Variants in DOK5 observed in about 807,000 individuals in gnomAD.
DOK5 encodes docking protein 5.
A neutral mutation model predicts 43.3 loss-of-function variants in DOK5; 27 were observed. That is an observed-to-expected ratio of 0.62 (90% CI 0.46 to 0.86). The LOEUF is 0.86. DOK5 is among the 40% of genes least tolerant of loss of function. The pLI, the probability that DOK5 is intolerant of heterozygous loss-of-function variation, is 0.00. For synonymous variants in DOK5, 146 were observed against 140.1 expected, an observed-to-expected ratio of 1.04 and a Z score of -0.30; for missense variants, 373 against 392.9, an observed-to-expected ratio of 0.95 and a Z score of 0.43.
At chr20:54,634,771 T>C (rs1273194189) in intron 6 of DOK5, among the ~76,000 whole-genome samples, 4 of 152,072 alleles carry the variant, frequency 2.6e-5, no homozygotes, top group African/African-American at 9.7e-5. Context: ...CTTTTTTTTT[T>C]TTGGTAACAG....
At chr20:54,589,642 G>A (rs1237383222) in intron 4 of DOK5, among the ~76,000 whole-genome samples, 1 of 152,140 alleles carries the variant, frequency 6.6e-6, no homozygotes, top group African/African-American at 2.4e-5. Flanking sequence ...ATGAGGGCAT[G>A]TCACCATGGA....
At chr20:54,527,297 T>C (rs1373052993) in intron 1 of DOK5, among the ~76,000 whole-genome samples, 2 of 152,194 alleles carry the variant, frequency 1.3e-5, no homozygotes, top group African/African-American at 2.4e-5. Context: ...CTACAATTAA[T>C]AGCTATTTTA....
chr20:54,547,791 T>G (rs1600694521), intron 1 of DOK5, among the ~76,000 whole-genome samples: 1 of 152,224 alleles, frequency 6.6e-6, no homozygotes, highest in East Asian at 1.9e-4. Context: ...ACCCAGCTTA[T>G]TAGAACTGTG....
intron 6 of DOK5, among the ~76,000 whole-genome samples, chr20:54,616,770 C>CTTTT (rs768379251): frequency 3.9e-4 from 47 of 120,604 alleles, no homozygotes; most frequent in Middle Eastern, 4.3e-3. Flanking sequence ...GATCCACTTT[C>CTTTT]TTTTTTTTTT....
rs6023292 is a variant in DOK5, at chr20:54,493,767, G to A, written c.66+17755G>A. ...ACCTGGGCAACATAACGAGACCCTC[G>A]TCTCTACAAAAATTAAAAAAACTTT... On this transcript the variant is annotated intron_variant, in intron 1 of 7. Transcript: ENST00000262593. Among the ~76,000 whole-genome samples the A allele has an allele frequency of 2.4e-4, 36 of 151,772 alleles. 1 individual carries two copies. Among genetic ancestry groups the A allele is most frequent in the African/African-American group, 7.7e-4 (32 of 41,388 alleles).
At chr20:54,505,240 A>G (rs73276905) in intron 1 of DOK5, among the ~76,000 whole-genome samples, 4,996 of 152,026 alleles carry the variant, frequency 0.033, 277 homozygotes, top group African/African-American at 0.11. Flanking sequence ...AAAGGCCAAA[A>G]TGCCCCTCTC....
chr20:54,637,639 AG>A (rs1330343255), intron 6 of DOK5, among the ~76,000 whole-genome samples: 16 of 152,254 alleles, frequency 1.1e-4, no homozygotes, highest in African/African-American at 3.6e-4. Flanking sequence ...CTAAAGTTTC[AG>A]CATGAATTCA....
At chr20:54,649,519 C>G (rs1360379212) in intron 7 of DOK5, among the ~76,000 whole-genome samples, 1 of 152,182 alleles carries the variant, frequency 6.6e-6, no homozygotes, top group East Asian at 1.9e-4. Flanking sequence ...CTGCTTGATC[C>G]ACACATTTAC....
chr20:54,606,722 A>T (rs1986481323), intron 5 of DOK5, among the ~76,000 whole-genome samples: 1 of 152,202 alleles, frequency 6.6e-6, no homozygotes, highest in Non-Finnish European at 1.5e-5. Flanking sequence ...GGAGGGGTGG[A>T]TAAGATAAAA....
intron 2 of DOK5, among the ~76,000 whole-genome samples, chr20:54,563,664 G>GTTTTTTTTTTTTTTT (rs76886127): frequency 2.3e-4 from 26 of 114,340 alleles, no homozygotes; most frequent in Non-Finnish European, 3.4e-4. Flanking sequence ...TATTTGTCAG[G>GTTTTTTTTTTTTTTT]TTTTTTTTTT....
chr20:54,613,762 G>A (rs574712032), intron 6 of DOK5, among the ~76,000 whole-genome samples: 142 of 152,266 alleles, frequency 9.3e-4, no homozygotes, highest in African/African-American at 3.0e-3. Flanking sequence ...AGGAGGCCTA[G>A]GCAGGAGGAT....
At chr20:54,517,901 G>T (rs958488204) in intron 1 of DOK5, among the ~76,000 whole-genome samples, 2 of 152,184 alleles carry the variant, frequency 1.3e-5, no homozygotes, top group African/African-American at 4.8e-5. Context: ...ACTTGCCAGT[G>T]CCTTGATCTT....
intron 2 of DOK5, among the ~76,000 whole-genome samples, chr20:54,579,219 TTATTACCA>T (rs1408904327): frequency 6.6e-6 from 1 of 152,214 alleles, no homozygotes; most frequent in Non-Finnish European, 1.5e-5. Context: ...AAAACTTTTC[TTATTACCA>T]TATTACCATT....
At chr20:54,605,582 T>C (rs1600730724) in intron 5 of DOK5, among the ~76,000 whole-genome samples, 1 of 152,374 alleles carries the variant, frequency 6.6e-6, no homozygotes, top group East Asian at 1.9e-4. Context: ...CTGTTTTTCC[T>C]GCCTTCTTTC....
intron 4 of DOK5, 109 bp from the exon 5 acceptor site, chr20:54,591,507 G>A (rs769847391): frequency 1.3e-5 from 11 of 846,418 alleles, no homozygotes; most frequent in East Asian, 1.1e-4. Context: ...ATATGCAACC[G>A]AAATCTAGAA....
At chr20:54,492,988 G>A (rs1271722865) in intron 1 of DOK5, among the ~76,000 whole-genome samples, 1 of 149,870 alleles carries the variant, frequency 6.7e-6, no homozygotes, top group Non-Finnish European at 1.5e-5. Flanking sequence ...CCAGGAGGCG[G>A]AGGTTGCAGT....
intron 1 of DOK5, among the ~76,000 whole-genome samples, chr20:54,504,112 C>G (rs1355662351): frequency 6.6e-6 from 1 of 152,110 alleles, no homozygotes; most frequent in Non-Finnish European, 1.5e-5. Flanking sequence ...AGCGGGGAAG[C>G]TCACCTTCAC....
intron 5 of DOK5, among the ~76,000 whole-genome samples, chr20:54,601,956 C>T (rs1469957212): frequency 1.3e-5 from 2 of 152,118 alleles, no homozygotes; most frequent in East Asian, 3.9e-4. Context: ...TGTTTTCACC[C>T]ACCCATGAGC....
At chr20:54,644,714 A>AAAAAC (rs374577603) in intron 7 of DOK5, among the ~76,000 whole-genome samples, 23,629 of 133,954 alleles carry the variant, frequency 0.18, 2,592 homozygotes, top group East Asian at 0.44. Context: ...TCAAAAAAAA[A>AAAAAC]AAAAAAAAAA....
Sources: gnomAD v4.1 joint callset for allele counts (sites outside exome capture counted in the v4.1 genomes callset) on GRCh38, gnomAD v4.1.1 for gene constraint, MANE v1.5 for transcripts, NCBI Gene and HGNC (gene_info 2026-07-23, HGNC 2026-07-21) for gene names.